HAP1: variants seen among roughly 807,000 people sequenced by gnomAD.
HAP1 encodes huntingtin associated protein 1, also known as huntingtin-associated protein 1.
In HAP1, 59 loss-of-function variants were observed where a neutral mutation model predicts 60.3. The observed-to-expected ratio is 0.98, with a 90% CI of 0.79 to 1.22. The LOEUF is 1.22. Ranked by LOEUF, HAP1 falls within the 50% of genes most tolerant of loss-of-function variation. The pLI is 0.00. For missense variants in HAP1, 825 were observed against 785.3 expected, an observed-to-expected ratio of 1.05 and a Z score of -0.60; for synonymous variants, 346 against 330.6, an observed-to-expected ratio of 1.05 and a Z score of -0.50.
At chr17:41,721,183 ATTC>A (rs2143163785), downstream of HAP1, 1 of 152,372 alleles carries the variant, frequency 6.6e-6, no homozygotes, top group East Asian at 1.9e-4. Context: ...TCTCAATGAT[ATTC>A]TTTTGGCAGG....
intron 7 of HAP1, 152 bp downstream of exon 7, chr17:41,728,049 A>G (rs1911822145): frequency 3.2e-6 from 3 of 938,412 alleles, no homozygotes; most frequent in Non-Finnish European, 4.9e-6. Context: ...TCTCCTCAAG[A>G]TAACAAGGGG....
Position 41,734,262 on chromosome 17 carries a change from C to T in HAP1, c.373G>A (p.Ala125Thr), listed in dbSNP as rs1912513774. The change falls in exon 1 of 11, where the codon GCA (alanine) becomes ACA (threonine). Residue 125 changes from alanine to threonine, a missense_variant. Coordinates refer to ENST00000347901, the MANE Select transcript of HAP1 (RefSeq NM_177977.3). ...SRATGRGTGKAAGIWKTPAAY... is the reference protein window; with the variant it reads ...SRATGRGTGKTAGIWKTPAAY... Reference sequence around the variant, plus strand: ...GCTGGCGTCTTCCAGATGCCCGCTGCCTTTCCAGTCCCCCGGCCAGTGGCC... The same window carrying T: ...GCTGGCGTCTTCCAGATGCCCGCTGTCTTTCCAGTCCCCCGGCCAGTGGCC... 6.2e-7 allele frequency: 1 copy of T among 1,606,266 alleles called. No homozygotes were observed. The highest frequency in any genetic ancestry group is 1.3e-5 in the African/African-American group (1 of 74,822).
downstream of HAP1, chr17:41,717,879 T>C (rs1320438635): frequency 9.6e-6 from 4 of 418,518 alleles, no homozygotes; most frequent in Non-Finnish European, 2.1e-5. Context: ...TGCTCATGAG[T>C]GGCTGGTGCA....
chr17:41,723,299 G>A lies in HAP1; in HGVS notation c.*1402C>T, dbSNP rs1555587548. 6.6e-6 allele frequency: 1 copy of A among 152,100 alleles called. No individual in the cohort carries two copies. The highest frequency in any genetic ancestry group is 2.4e-5 in the African/African-American group (1 of 41,254). The allele number at this position is 152,100 out of a possible 1,614,324, so 9.4% of individuals were successfully genotyped here. A position where few individuals can be genotyped will look rare whatever the true frequency, so the allele number is the denominator to read the frequency against. ...CCTACCGCCTGTCCCTGAAGACGTTGGAAAAGCCTCCAACATGTGGGAAAG... is the reference window on the plus strand; with the variant it reads ...CCTACCGCCTGTCCCTGAAGACGTTAGAAAAGCCTCCAACATGTGGGAAAG... On this transcript the variant is annotated 3_prime_UTR_variant, in exon 11 of 11. Transcript: ENST00000347901.
rs1255622124 is a variant in HAP1 at position 41,724,652 on chromosome 17, G to A, written c.*49C>T. 1 of 1,378,800 alleles carries A rather than the reference G, an allele frequency of 7.3e-7. No homozygotes were observed. The highest frequency in any genetic ancestry group is 2.3e-5 in the East Asian group (1 of 43,350). The allele number at this position is 1,378,800 out of a possible 1,614,324, so 85.4% of individuals were successfully genotyped here. A position where few individuals can be genotyped will look rare whatever the true frequency, so the allele number is the denominator to read the frequency against. On this transcript the variant is annotated 3_prime_UTR_variant, in exon 11 of 11. Transcript: ENST00000347901. ...CATGCAAATAAGCACAGCAGGTAGA[G>A]CCAGGCTGGGGCAGGTGAGCACTCG... is the stretch of plus-strand genomic sequence containing the variant.
rs1555591561 is a variant in HAP1, at chr17:41,733,024, T to TG, written c.470-227_470-226insC. 3.2e-4 allele frequency among the ~76,000 whole-genome samples: 16 copies of TG among 49,356 alleles called. 1 individual carries two copies. Among genetic ancestry groups the TG allele is most frequent in the South Asian group, 2.1e-3 (2 of 932 alleles). The allele number at this position is 49,356 out of a possible 152,430, so 32.4% of individuals were successfully genotyped here. ...CCAAGTGGACAGGGTTTTTAGGTTT[T>TG]TGGGTTTTTTTTGGTTTTTTTTTTT... On this transcript the variant is annotated intron_variant, in intron 1 of 10. Coordinates refer to ENST00000347901, the MANE Select transcript of HAP1 (RefSeq NM_177977.3).
In HAP1 at chr17:41,734,426, G is replaced by A. The variant is rs1225828689; in HGVS notation, c.209C>T (p.Pro70Leu). ...TGCCTTGGCTCCAGCCTCCGAGGCC[G>A]GGCGAGCTCCGGTGCGGGCTTCCGA... Reference protein sequence around the residue: ...FLSEARTGARPASEAGAKAGA... With the variant: ...FLSEARTGARLASEAGAKAGA... Residue 70 changes from proline to leucine, a missense_variant, in exon 1 of 11, where the codon CCG becomes CTG. Coordinates refer to ENST00000347901, the MANE Select transcript of HAP1 (RefSeq NM_177977.3). 1 of 1,608,536 alleles carries A rather than the reference G, an allele frequency of 6.2e-7. No homozygotes were observed. The highest frequency in any genetic ancestry group is 1.3e-5 in the African/African-American group (1 of 74,856).
chr17:41,732,399 G>A lies in HAP1; in HGVS notation c.550-5C>T. ...CTCCCAGACAGGTGGGAGAAGCTGG[G>A]GGGGACACAGGGGTCAGAGAGAGGC... On this transcript the variant is annotated splice_region_variant and splice_polypyrimidine_tract_variant and intron_variant, in intron 2 of 10. Transcript: ENST00000347901. The A allele has an allele frequency of 6.2e-7, 1 of 1,613,654 alleles. No individual in the cohort carries two copies. The highest frequency in any genetic ancestry group is 8.5e-7 in the Non-Finnish European group (1 of 1,179,844).
At chr17:41,733,016 TTAGGTTTTTGGG>T (rs1305521411) in intron 1 of HAP1, among the ~76,000 whole-genome samples, 2 of 140,366 alleles carry the variant, frequency 1.4e-5, no homozygotes, top group East Asian at 2.1e-4. Flanking sequence ...GACAGGGTTT[TTAGGTTTTTGGG>T]TTTTTTTTGG....
chr17:41,725,784 A>T, intron 10 of HAP1, 75 bp downstream of exon 10: 1 of 1,117,716 alleles, frequency 8.9e-7, no homozygotes. Context: ...GCAGGGTGGC[A>T]GAACCAGAGG....
chr17:41,732,672 A>G, intron 2 of HAP1, 47 bp downstream of exon 2: 2 of 1,497,190 alleles, frequency 1.3e-6, no homozygotes, highest in Non-Finnish European at 1.9e-6. Flanking sequence ...CCCCTACAGG[A>G]CAAAACTAGA....
At position 41,727,056 on chromosome 17, in the gene HAP1, T is replaced by G; in HGVS notation, c.1364A>C (p.Glu455Ala). ...AGGGAGGGCCCCAGCCACGCACCTC[T>G]CCATAAAATACACAGGGTCTGAGAT... ...RMISDPVYFM[E>A]RNYEMPRGDT... Residue 455 changes from glutamate (E) to alanine (A), a missense_variant, in exon 9 of 11, where the codon GAG becomes GCG. By Grantham distance (107) the Glu-to-Ala change is moderately radical (BLOSUM62 -1). Transcript: ENST00000347901. The G allele has an allele frequency of 6.6e-7, 1 of 1,520,354 alleles. No individual in the cohort carries two copies. The highest frequency in any genetic ancestry group is 1.2e-5 in the South Asian group (1 of 85,626). 94.2% of individuals were successfully genotyped at this position (1,520,354 alleles called of 1,614,324 possible). A position where few individuals can be genotyped will look rare whatever the true frequency, so the allele number is the denominator to read the frequency against.
intron 6 of HAP1, 57 bp from the exon 7 acceptor site, chr17:41,728,388 C>T (rs550898781): frequency 1.9e-6 from 3 of 1,560,482 alleles, no homozygotes; most frequent in Non-Finnish European, 2.6e-6. Context: ...GGGACCAGCT[C>T]TGGCCCTCCC....
downstream of HAP1, chr17:41,718,282 A>G (rs1328331208): frequency 4.7e-6 from 1 of 214,348 alleles, no homozygotes; most frequent in Non-Finnish European, 1.0e-5. Flanking sequence ...AGAACAATAC[A>G]TTTGTAGGCA....
Position 41,727,309 on chromosome 17 carries a change from T to A in HAP1, c.1276-165A>T, listed in dbSNP as rs145330219. ...GGGAGGGTCCTCACCAGAGGCACGC[T>A]GTATGGGTAATGGGTGGCAGACCCA... On this transcript the variant is annotated intron_variant, in intron 8 of 10. Coordinates refer to ENST00000347901, the MANE Select transcript of HAP1 (RefSeq NM_177977.3). The A allele has an allele frequency of 5.1e-6, 4 of 780,886 alleles. No homozygotes were observed. The African/African-American group carries it at 6.7e-5, about 13-fold the overall frequency. The allele number at this position is 780,886 out of a possible 1,614,324, so 48.4% of individuals were successfully genotyped here.
rs200616359 is a variant in HAP1 at position 41,728,212 on chromosome 17, G to C, written c.1189C>G (p.Arg397Gly). The C allele has an allele frequency of 2.5e-6, 4 of 1,611,862 alleles. No homozygotes were observed. The highest frequency in any genetic ancestry group is 3.4e-6 in the Non-Finnish European group (4 of 1,180,008). ...CACACCCGACTCACCATCCGGCAGC[G>C]CTGCTGCAGCTTCAGCACCTGGGCC... The part of the protein sequence containing the change: ...LQAQVLKLQQ[R>G]CRMYGAETEK... The change falls in exon 7 of 11, where the codon CGC (arginine) becomes GGC (glycine). Residue 397 changes from arginine to glycine, a missense_variant. Coordinates refer to ENST00000347901, the MANE Select transcript of HAP1 (RefSeq NM_177977.3).
At chr17:41,725,788 C>G in intron 10 of HAP1, 71 bp downstream of exon 10, 2 of 1,170,124 alleles carry the variant, frequency 1.7e-6, no homozygotes, top group South Asian at 1.2e-5. Context: ...GGTGGCAGAA[C>G]CAGAGGCAGG....
chr17:41,728,248 C>T lies in HAP1; in HGVS notation c.1153G>A (p.Ala385Thr), dbSNP rs781925578. 6 of 1,613,186 alleles carry T rather than the reference C, an allele frequency of 3.7e-6. No homozygotes were observed. Among genetic ancestry groups the T allele is most frequent in the Admixed American group, 1.7e-5 (1 of 60,004 alleles). ...ENYERQQQEV[A>T]RLQAQVLKLQ... ...TTCAGCACCTGGGCCTGCAGCCGAG[C>T]GACCTCCTGCTGCTGCCGTTCATAG... The change falls in exon 7 of 11, where the codon GCT becomes ACT. Residue 385 changes from alanine (A) to threonine (T), a missense_variant. Ala to Thr is a moderately conservative substitution (Grantham distance 58). Coordinates refer to ENST00000347901, the MANE Select transcript of HAP1 (RefSeq NM_177977.3).
At chr17:41,727,629 G>A (rs540945363) in intron 8 of HAP1, 133 bp downstream of exon 8, 19 of 662,606 alleles carry the variant, frequency 2.9e-5, no homozygotes, top group Non-Finnish European at 4.9e-5. Flanking sequence ...GCCAGGCATG[G>A]AGGGGGTGGA....
Sources: gnomAD v4.1 joint callset for allele counts (sites outside exome capture counted in the v4.1 genomes callset) on GRCh38, gnomAD v4.1.1 for gene constraint, MANE v1.5 for transcripts, NCBI Gene and HGNC (gene_info 2026-07-23, HGNC 2026-07-21) for gene names.